SRGAP2: variants seen among roughly 807,000 people sequenced by gnomAD.
SRGAP2 encodes SLIT-ROBO Rho GTPase activating protein 2.
Under a neutral mutation model 57.2 loss-of-function variants are expected in SRGAP2, and 15 were observed. The observed-to-expected ratio is 0.26, with a 90% CI of 0.18 to 0.40. The LOEUF is 0.40. Among genes scored for constraint, SRGAP2 ranks in the 10% least tolerant of loss-of-function variants. The pLI is 1.00. For missense variants in SRGAP2, 520 were observed against 669.6 expected, an observed-to-expected ratio of 0.78 and a Z score of 2.47; for synonymous variants, 249 against 248.0, an observed-to-expected ratio of 1.00 and a Z score of -0.04.
intron 3 of SRGAP2, among the ~76,000 whole-genome samples, chr1:206,309,736 G>T (rs1290040795): frequency 6.6e-6 from 1 of 151,764 alleles, no homozygotes; most frequent in Non-Finnish European, 1.5e-5. Flanking sequence ...TATCCAGGTG[G>T]AGACGGCATA....
chr1:206,353,009 A>G (rs1387294168), intron 4 of SRGAP2, among the ~76,000 whole-genome samples: 2 of 151,810 alleles, frequency 1.3e-5, no homozygotes, highest in African/African-American at 4.8e-5. Flanking sequence ...GCTGCTTCCA[A>G]TATTTATTCA....
intron 2 of SRGAP2, among the ~76,000 whole-genome samples, chr1:206,280,194 G>C (rs1167810091): frequency 6.8e-6 from 1 of 146,722 alleles, no homozygotes; most frequent in South Asian, 2.2e-4. Context: ...CAATTCTCCC[G>C]TCAGCCTCCT....
intron 19 of SRGAP2, among the ~76,000 whole-genome samples, chr1:206,452,716 G>A (rs1241149644): frequency 2.0e-5 from 3 of 151,898 alleles, no homozygotes; most frequent in East Asian, 1.9e-4. Flanking sequence ...GTGAAACCCC[G>A]TCTATTAATA....
intron 18 of SRGAP2, among the ~76,000 whole-genome samples, chr1:206,447,650 T>A (rs1363585517): frequency 1.3e-5 from 2 of 152,200 alleles, no homozygotes; most frequent in Non-Finnish European, 2.9e-5. Flanking sequence ...CTTGTGCATG[T>A]GACTTAGAGC....
chr1:206,453,721 C>G (rs1553377101), intron 20 of SRGAP2: 1 of 260,014 alleles, frequency 3.8e-6, no homozygotes, highest in Non-Finnish European at 7.2e-6. Flanking sequence ...TATTTCTTTT[C>G]TCGAAAGATC....
chr1:206,387,186 A>G (rs1286346239), intron 5 of SRGAP2, among the ~76,000 whole-genome samples: 31 of 150,732 alleles, frequency 2.1e-4, no homozygotes, highest in Non-Finnish European at 3.1e-4. Context: ...TCTGGAGATT[A>G]AGATAGGTTT....
chr1:206,284,834 A>G (rs1395968345), intron 2 of SRGAP2, among the ~76,000 whole-genome samples: 1 of 152,126 alleles, frequency 6.6e-6, no homozygotes, highest in Non-Finnish European at 1.5e-5. Flanking sequence ...AAACTGTAGA[A>G]TGCTCATACC....
At chr1:206,380,281 G>A (rs1655572231) in intron 4 of SRGAP2, among the ~76,000 whole-genome samples, 1 of 149,088 alleles carries the variant, frequency 6.7e-6, no homozygotes, top group Admixed American at 6.7e-5. Flanking sequence ...CATACAACTG[G>A]TAGGAGCTGT....
At chr1:206,333,490 C>A (rs1189754207) in intron 3 of SRGAP2, 5 of 1,468,470 alleles carry the variant, frequency 3.4e-6, no homozygotes, top group African/African-American at 1.4e-5. Flanking sequence ...GTCTCTGGTG[C>A]GGGCGGCGCG....
intron 12 of SRGAP2, among the ~76,000 whole-genome samples, chr1:206,420,486 C>G (rs1164199267): frequency 6.6e-6 from 1 of 152,106 alleles, no homozygotes; most frequent in Non-Finnish European, 1.5e-5. Context: ...CGCTCTTTTC[C>G]CCTCTCTGAA....
intron 4 of SRGAP2, among the ~76,000 whole-genome samples, chr1:206,348,032 A>T (rs1272490097): frequency 6.7e-5 from 10 of 149,276 alleles, no homozygotes; most frequent in African/African-American, 2.3e-4. Context: ...GTGGCTGCAC[A>T]ATTGGCCCCT....
chr1:206,284,073 T>C (rs1244786406), intron 2 of SRGAP2, among the ~76,000 whole-genome samples: 1 of 152,140 alleles, frequency 6.6e-6, no homozygotes, highest in Non-Finnish European at 1.5e-5. Context: ...CTTGACCTAA[T>C]GTTTGGAATT....
chr1:206,460,978 G>A (rs182725346), intron 22 of SRGAP2, 59 bp from the exon 23 acceptor site: 270 of 658,286 alleles, frequency 4.1e-4, no homozygotes, highest in Non-Finnish European at 2.5e-4. Flanking sequence ...TGTTGAAACC[G>A]GCTCCTTGGG....
At chr1:206,215,012 C>G (rs1666561509) in intron 2 of SRGAP2, among the ~76,000 whole-genome samples, 2 of 146,970 alleles carry the variant, frequency 1.4e-5, no homozygotes, top group Admixed American at 1.4e-4. Flanking sequence ...TACCAGACTT[C>G]TGAATGTAGG....
In SRGAP2 at chr1:206,453,363, C is replaced by A; in HGVS notation, c.2343C>A (p.Tyr781Ter). 1.4e-6 allele frequency: 1 copy of A among 706,716 alleles called. No homozygotes were observed. 43.8% of individuals were successfully genotyped at this position (706,716 alleles called of 1,614,324 possible). Residue 781 changes from tyrosine (Y) to a stop codon, truncating the protein, a stop_gained, in exon 20 of 23, where the codon TAC becomes TAA. Coordinates refer to ENST00000573034, the MANE Select transcript of SRGAP2 (RefSeq NM_015326.5). LOFTEE classifies it high-confidence loss of function. ...TCGACGGACTCATCCCCCATCAGTA[C>A]ATCGTGGTCCAAGACACGTACGTTG... Reference protein sequence around the residue: ...NGIDGLIPHQYIVVQDTEDGV... With the variant: ...NGIDGLIPHQ
At chr1:206,356,792 C>G (rs1326467506) in intron 4 of SRGAP2, among the ~76,000 whole-genome samples, 1 of 147,678 alleles carries the variant, frequency 6.8e-6, no homozygotes, top group Non-Finnish European at 1.5e-5. Context: ...CATCTTCTTT[C>G]CTTACAATAC....
intron 2 of SRGAP2, among the ~76,000 whole-genome samples, chr1:206,234,654 A>G (rs1441369568): frequency 6.6e-6 from 1 of 152,214 alleles, no homozygotes; most frequent in Non-Finnish European, 1.5e-5. Context: ...TTCGGGAGAC[A>G]CAGTAGCAGG....
rs536473733 is a variant in SRGAP2, at chr1:206,461,223, G to T, written c.3019G>T (p.Ala1007Ser). 1.3e-6 allele frequency: 1 copy of T among 780,560 alleles called. No individual in the cohort carries two copies. The allele number at this position is 780,560 out of a possible 1,614,324, so 48.4% of individuals were successfully genotyped here. Residue 1007 changes from alanine to serine, a missense_variant, in exon 23 of 23, where the codon GCC becomes TCC. By Grantham distance (99) the Ala-to-Ser change is moderately conservative. This residue lies in a region of SRGAP2 where 478 missense variants were observed against 373.6 expected (regional missense o/e 1.28). Transcript: ENST00000573034. ...HTQLLKDPEP[A>S]FQRSASTAGD... is the part of the protein sequence containing the mutation. ...CCAGCTCCTCAAGGACCCCGAGCCC[G>T]CCTTCCAGCGCAGCGCCAGTACTGC... is the stretch of plus-strand genomic sequence containing the variant.
chr1:206,436,841 AAAG>A, intron 14 of SRGAP2, 121 bp from the exon 15 acceptor site: 2 of 710,084 alleles, frequency 2.8e-6, no homozygotes, highest in South Asian at 1.5e-5. Context: ...CCTTTGGCCT[AAAG>A]AAGAGAGACA....
Sources: gnomAD v4.1 joint callset for allele counts (sites outside exome capture counted in the v4.1 genomes callset) on GRCh38, gnomAD v4.1.1 for gene constraint, gnomAD v4.1.1 regional missense constraint, MANE v1.5 for transcripts, NCBI Gene and HGNC (gene_info 2026-07-23, HGNC 2026-07-21) for gene names.